The following SGCD variants were observed in gnomAD, a reference collection of about 807,000 sequenced individuals.
SGCD encodes sarcoglycan delta, also known as delta-sarcoglycan.
A neutral mutation model predicts 36.6 loss-of-function variants in SGCD; 18 were observed. That is an observed-to-expected ratio of 0.49 (90% confidence interval 0.34 to 0.73). SGCD has a LOEUF of 0.73. Ranked by LOEUF, SGCD falls within the 30% of genes least tolerant of loss-of-function variation. The pLI, the probability that SGCD is intolerant of heterozygous loss-of-function variation, is 0.01. For missense variants in SGCD, 387 were observed against 346.7 expected (o/e 1.12, Z -0.92); for synonymous variants, 133 against 130.6 (o/e 1.02, Z -0.12).
At chr5:156,356,559 C>G (rs1389053215) in intron 3 of SGCD, among the ~76,000 whole-genome samples, 3 of 152,158 alleles carry the variant, frequency 2.0e-5, no homozygotes, top group Non-Finnish European at 4.4e-5. Flanking sequence ...TAGGCAGACA[C>G]AAAGTCCTGC....
the SGCD span, among the ~76,000 whole-genome samples, chr5:155,782,027 T>C: frequency 2.0e-4 from 2 of 9,770 alleles, no homozygotes; most frequent in African/African-American, 3.5e-4. Context: ...TTTTCTTTTC[T>C]TTTTTTTTTT....
At chr5:156,376,435 A>G (rs1354723358) in intron 3 of SGCD, among the ~76,000 whole-genome samples, 1 of 152,240 alleles carries the variant, frequency 6.6e-6, no homozygotes, top group African/African-American at 2.4e-5. Flanking sequence ...AAAATATGAA[A>G]GGTGAACATA....
the SGCD span, among the ~76,000 whole-genome samples, chr5:155,788,988 C>T: frequency 6.6e-6 from 1 of 152,074 alleles, no homozygotes; most frequent in Admixed American, 6.6e-5. Flanking sequence ...GACAAAGAAA[C>T]AAGATCATAG....
At chr5:156,067,212 T>C (rs1760348133) in intron 1 of SGCD, among the ~76,000 whole-genome samples, 1 of 98,488 alleles carries the variant, frequency 1.0e-5, no homozygotes, top group Non-Finnish European at 1.8e-5. Flanking sequence ...GGTGTCAGTG[T>C]GCCCCTGCTG....
intron 4 of SGCD, among the ~76,000 whole-genome samples, chr5:156,536,850 C>A (rs1206646455): frequency 6.6e-6 from 1 of 152,170 alleles, no homozygotes; most frequent in Non-Finnish European, 1.5e-5. Flanking sequence ...TCAGATACAG[C>A]CTTGACTTGG....
chr5:156,024,757 CA>C (rs763877123), intron 1 of SGCD, among the ~76,000 whole-genome samples: 75 of 152,122 alleles, frequency 4.9e-4, no homozygotes, highest in Non-Finnish European at 9.6e-4. Flanking sequence ...TAGGAGTTCG[CA>C]ACCAGCCTGG....
At chr5:156,564,248 G>T (rs1231543207) in intron 4 of SGCD, among the ~76,000 whole-genome samples, 1 of 152,124 alleles carries the variant, frequency 6.6e-6, no homozygotes, top group Non-Finnish European at 1.5e-5. Context: ...AGGAGATCAA[G>T]ACCATCTTGG....
At chr5:156,543,182 G>A (rs573284852) in intron 4 of SGCD, among the ~76,000 whole-genome samples, 1 of 152,238 alleles carries the variant, frequency 6.6e-6, no homozygotes, top group South Asian at 2.1e-4. Flanking sequence ...CTTTATTGCG[G>A]GAGCTGTCCT....
chr5:156,003,706 A>G (rs1003105436), intron 1 of SGCD, among the ~76,000 whole-genome samples: 1 of 152,210 alleles, frequency 6.6e-6, no homozygotes, highest in African/African-American at 2.4e-5. Context: ...ATACTACTTA[A>G]TATCTAAATT....
chr5:156,595,202 T>C (rs1166059178), intron 6 of SGCD, among the ~76,000 whole-genome samples, 151 bp downstream of exon 6: 5 of 151,908 alleles, frequency 3.3e-5, no homozygotes, highest in African/African-American at 1.2e-4. Context: ...GGTGGAGCCT[T>C]GAGGGGTAAT....
the SGCD span, among the ~76,000 whole-genome samples, chr5:155,797,034 C>T: frequency 6.6e-6 from 1 of 151,850 alleles, no homozygotes. Flanking sequence ...AGGAAGAAAA[C>T]ACCAATACTA....
chr5:156,612,360 T>C (rs1761854599), intron 6 of SGCD, among the ~76,000 whole-genome samples: 1 of 152,270 alleles, frequency 6.6e-6, no homozygotes, highest in Non-Finnish European at 1.5e-5. Context: ...TAGCTGTGAT[T>C]ATGCCAGTGA....
chr5:156,483,619 T>A (rs1302200589), intron 3 of SGCD, among the ~76,000 whole-genome samples: 1 of 152,248 alleles, frequency 6.6e-6, no homozygotes, highest in East Asian at 1.9e-4. Context: ...GGATTATTTC[T>A]TTTCTTCTGC....
chr5:155,922,121 T>C (rs1383146661), intron 1 of SGCD, among the ~76,000 whole-genome samples: 1 of 152,232 alleles, frequency 6.6e-6, no homozygotes, highest in African/African-American at 2.4e-5. Flanking sequence ...ACTAGCTCTA[T>C]GGCAAGTGGT....
the SGCD span, among the ~76,000 whole-genome samples, chr5:155,766,690 C>T: frequency 6.6e-6 from 1 of 152,102 alleles, no homozygotes; most frequent in Non-Finnish European, 1.5e-5. Context: ...CAGAAGATGG[C>T]AATTGAAGCA....
chr5:156,573,018 A>G (rs1350005553), intron 4 of SGCD, among the ~76,000 whole-genome samples: 1 of 152,190 alleles, frequency 6.6e-6, no homozygotes, highest in Non-Finnish European at 1.5e-5. Flanking sequence ...GTATTTTTCA[A>G]TGCTTCTTCA....
intron 7 of SGCD, among the ~76,000 whole-genome samples, chr5:156,727,415 C>T (rs929033049): frequency 6.6e-6 from 1 of 152,130 alleles, no homozygotes; most frequent in African/African-American, 2.4e-5. Flanking sequence ...TTTGGTCAAG[C>T]AAAGAATCTT....
At chr5:156,474,658 C>G (rs1169605859) in intron 3 of SGCD, among the ~76,000 whole-genome samples, 2 of 152,272 alleles carry the variant, frequency 1.3e-5, no homozygotes, top group East Asian at 3.9e-4. Context: ...GAAGCAGAAA[C>G]CAATCTAGAG....
chr5:156,724,082 G>A (rs1755647951), intron 7 of SGCD, among the ~76,000 whole-genome samples: 1 of 152,098 alleles, frequency 6.6e-6, no homozygotes, highest in Admixed American at 6.6e-5. Flanking sequence ...AGTTTGAGGA[G>A]GTAAACCCAA....
Sources: allele counts gnomAD v4.1 joint callset (sites outside exome capture counted in the v4.1 genomes callset), GRCh38; gene constraint gnomAD v4.1.1; transcripts MANE v1.5; gene names NCBI Gene and HGNC (gene_info 2026-07-23, HGNC 2026-07-21).